Variants in MGAT4C observed in about 807,000 individuals in gnomAD.
MGAT4C encodes alpha-1,3-mannosyl-glycoprotein 4-beta-N-acetylglucosaminyltransferase C.
MGAT4C carries 19 observed loss-of-function variants against 40.1 expected under a neutral mutation model. The observed-to-expected ratio is 0.47, with a 90% confidence interval of 0.33 to 0.70. The LOEUF is 0.70. Among genes scored for constraint, MGAT4C ranks in the 30% least tolerant of loss-of-function variants. The pLI is 0.02. For missense variants in MGAT4C, 491 were observed against 563.2 expected (o/e 0.87, Z 1.30); for synonymous variants, 181 against 187.1 (o/e 0.97, Z 0.27).
intron 2 of MGAT4C, among the ~76,000 whole-genome samples, chr12:86,640,909 G>A (rs1003213410): frequency 2.0e-4 from 30 of 151,768 alleles, no homozygotes; most frequent in African/African-American, 5.6e-4. Context: ...GTAGTTGAGC[G>A]GTTTTGAGTG....
At chr12:86,004,284 T>C (rs1304823409) in intron 2 of MGAT4C, among the ~76,000 whole-genome samples, 1 of 152,184 alleles carries the variant, frequency 6.6e-6, no homozygotes, top group Non-Finnish European at 1.5e-5. Context: ...TTAGAAATCA[T>C]ATAAATTTCC....
At chr12:86,281,789 CT>C (rs1367423955) in intron 4 of MGAT4C, among the ~76,000 whole-genome samples, 8 of 152,132 alleles carry the variant, frequency 5.3e-5, no homozygotes, top group Admixed American at 2.0e-4. Context: ...GTTTTCTGAG[CT>C]TTTGTTCATG....
At chr12:86,712,795 T>C (rs1950580518) in intron 2 of MGAT4C, among the ~76,000 whole-genome samples, 2 of 152,212 alleles carry the variant, frequency 1.3e-5, no homozygotes, top group East Asian at 3.9e-4. Context: ...TAGCTGCCGA[T>C]TGTAGACAAT....
At chr12:86,662,289 A>C (rs1963997516) in intron 2 of MGAT4C, among the ~76,000 whole-genome samples, 1 of 152,244 alleles carries the variant, frequency 6.6e-6, no homozygotes, top group Non-Finnish European at 1.5e-5. Context: ...AAAAAGAATT[A>C]AAACTTGAAT....
intron 1 of MGAT4C, among the ~76,000 whole-genome samples, chr12:86,128,130 C>T (rs534382721): frequency 9.2e-5 from 14 of 152,224 alleles, no homozygotes; most frequent in African/African-American, 3.4e-4. Context: ...GAATGCTTGT[C>T]GTTCTGACAG....
chr12:86,494,215 A>G (rs1395700919), intron 2 of MGAT4C, among the ~76,000 whole-genome samples: 1 of 152,018 alleles, frequency 6.6e-6, no homozygotes, highest in African/African-American at 2.4e-5. Flanking sequence ...TCTTTGAAAG[A>G]TCAAAAGTTG....
chr12:86,499,017 A>G (rs542074781), intron 2 of MGAT4C, among the ~76,000 whole-genome samples: 68 of 152,120 alleles, frequency 4.5e-4, no homozygotes, highest in Non-Finnish European at 9.0e-4. Flanking sequence ...TTTGTAAATA[A>G]ACAGTGGAAG....
intron 2 of MGAT4C, among the ~76,000 whole-genome samples, chr12:86,646,723 A>G (rs1212401860): frequency 6.6e-6 from 1 of 151,958 alleles, no homozygotes; most frequent in Non-Finnish European, 1.5e-5. Flanking sequence ...TTTCTCTCAT[A>G]CCAGTGTGTA....
chr12:86,089,211 T>C (rs928073808), intron 1 of MGAT4C, among the ~76,000 whole-genome samples: 1 of 152,128 alleles, frequency 6.6e-6, no homozygotes, highest in East Asian at 1.9e-4. Flanking sequence ...GTGAAATACA[T>C]GTAAACACTT....
At chr12:86,257,921 C>T (rs1952568831), upstream of MGAT4C, among the ~76,000 whole-genome samples, 1 of 151,720 alleles carries the variant, frequency 6.6e-6, no homozygotes, top group Non-Finnish European at 1.5e-5. Flanking sequence ...AGTGGTAATG[C>T]TACATACAGC....
At chr12:86,029,416 C>T (rs961739908) in intron 2 of MGAT4C, among the ~76,000 whole-genome samples, 1 of 151,814 alleles carries the variant, frequency 6.6e-6, no homozygotes, top group African/African-American at 2.4e-5. Flanking sequence ...TACATACAAA[C>T]TTATGTAAAC....
intron 4 of MGAT4C, among the ~76,000 whole-genome samples, chr12:86,315,518 C>T (rs980167519): frequency 6.7e-6 from 1 of 148,674 alleles, no homozygotes; most frequent in Non-Finnish European, 1.5e-5. Flanking sequence ...CTGGCTAACA[C>T]GGTGAAACCC....
At chr12:86,815,897 G>A (rs1352485620) in intron 1 of MGAT4C, among the ~76,000 whole-genome samples, 1 of 151,750 alleles carries the variant, frequency 6.6e-6, no homozygotes, top group Non-Finnish European at 1.5e-5. Context: ...ATGGAGCAGT[G>A]TATACTCCTT....
At chr12:86,655,743 G>C (rs137972655) in intron 2 of MGAT4C, among the ~76,000 whole-genome samples, 54 of 152,154 alleles carry the variant, frequency 3.5e-4, no homozygotes, top group African/African-American at 1.3e-3. Context: ...TTGGCTATTA[G>C]AACAAATCCT....
rs183766973 is a variant in MGAT4C at position 86,794,055 on chromosome 12, T to C, written c.-262+44611A>G. ...TCAAACATATATAAAGGAGTACATA[T>C]ACATTTTTACAGATAAGTAACTAGA... On this transcript the variant is annotated intron_variant, in intron 1 of 7. Coordinates refer to the MGAT4C transcript ENST00000548651. Among the ~76,000 whole-genome samples, 10 of 152,084 alleles carry C rather than the reference T, an allele frequency of 6.6e-5. No individual in the cohort carries two copies. In the East Asian group the frequency reaches 1.9e-3, roughly 29 times the overall value.
intron 4 of MGAT4C, among the ~76,000 whole-genome samples, chr12:86,331,052 C>T (rs1954654358): frequency 6.6e-6 from 1 of 151,998 alleles, no homozygotes; most frequent in Admixed American, 6.6e-5. Context: ...GGGCAAAAGG[C>T]AGAGTGAGAG....
chr12:86,264,886 C>T (rs1952747944), intron 4 of MGAT4C, among the ~76,000 whole-genome samples: 1 of 152,206 alleles, frequency 6.6e-6, no homozygotes, highest in Non-Finnish European at 1.5e-5. Flanking sequence ...AGTGCTGACA[C>T]ATCAGGCCCC....
chr12:86,276,535 T>G (rs1953085515), intron 4 of MGAT4C, among the ~76,000 whole-genome samples: 1 of 152,212 alleles, frequency 6.6e-6, no homozygotes, highest in Non-Finnish European at 1.5e-5. Context: ...TTTATTTTTT[T>G]ATTTTTTGTA....
intron 2 of MGAT4C, among the ~76,000 whole-genome samples, chr12:86,689,551 C>T (rs1174345009): frequency 1.3e-5 from 2 of 152,264 alleles, no homozygotes; most frequent in East Asian, 3.9e-4. Flanking sequence ...TGTTAGTTTT[C>T]CTTCTAACAG....
Sources: allele counts gnomAD v4.1 joint callset (sites outside exome capture counted in the v4.1 genomes callset), GRCh38; gene constraint gnomAD v4.1.1; transcripts MANE v1.5; gene names NCBI Gene and HGNC (gene_info 2026-07-23, HGNC 2026-07-21).